Variants in ZNF793 observed in about 807,000 individuals in gnomAD.
The protein encoded by ZNF793 is zinc finger protein 793.
A neutral mutation model predicts 12.4 loss-of-function variants in ZNF793; 5 were observed. The ratio of observed to expected loss-of-function variants is 0.40; its 90% CI spans 0.21 to 0.84. The LOEUF (loss-of-function observed/expected upper bound fraction) is 0.84, where lower values mean the gene tolerates loss of function less well. Ranked by LOEUF, ZNF793 falls within the 40% of genes least tolerant of loss-of-function variation. The pLI is 0.35. For synonymous variants in ZNF793, 162 were observed against 172.4 expected (o/e 0.94, Z 0.47); for missense variants, 456 against 495.0 (o/e 0.92, Z 0.75).
intron 3 of ZNF793, 114 bp downstream of exon 3, chr19:37,520,426 C>T (rs2147075881): frequency 6.6e-6 from 1 of 152,402 alleles, no homozygotes; most frequent in East Asian, 1.9e-4. Context: ...ATCACTCAGA[C>T]CCCATACCTC....
At chr19:37,524,947 C>T (rs992335584) in intron 5 of ZNF793, among the ~76,000 whole-genome samples, 1 of 152,178 alleles carries the variant, frequency 6.6e-6, no homozygotes, top group African/African-American at 2.4e-5. Context: ...CAAGGCAGAA[C>T]TCCCAGTTTT....
intron 2 of ZNF793, among the ~76,000 whole-genome samples, chr19:37,510,923 T>C (rs976796075): frequency 6.6e-6 from 1 of 151,870 alleles, no homozygotes; most frequent in East Asian, 2.0e-4. Flanking sequence ...GGTCTCAATC[T>C]CCTGACCTCG....
At chr19:37,511,337 T>C (rs1428609005) in intron 2 of ZNF793, among the ~76,000 whole-genome samples, 1 of 152,204 alleles carries the variant, frequency 6.6e-6, no homozygotes, top group Admixed American at 6.5e-5. Flanking sequence ...ATTCATACCA[T>C]GAGGTAATTT....
chr19:37,511,695 T>C (rs2042295750), intron 2 of ZNF793, among the ~76,000 whole-genome samples: 1 of 152,144 alleles, frequency 6.6e-6, no homozygotes, highest in Non-Finnish European at 1.5e-5. Context: ...GAAATTCTAA[T>C]CTGAAGTTCT....
At chr19:37,519,345 T>C (rs892501570) in intron 2 of ZNF793, among the ~76,000 whole-genome samples, 12 of 152,300 alleles carry the variant, frequency 7.9e-5, no homozygotes, top group African/African-American at 2.6e-4. Flanking sequence ...GTAAGAGATA[T>C]GATTTCCATC....
rs976969379 is a variant in ZNF793, at chr19:37,541,310, G to A, written c.*3431G>A. 2 of 152,180 alleles carry A rather than the reference G, an allele frequency of 1.3e-5. No homozygotes were observed. Among genetic ancestry groups the A allele is most frequent in the African/African-American group, 4.8e-5 (2 of 41,444 alleles). The allele number at this position is 152,180 out of a possible 1,614,324, so 9.4% of individuals were successfully genotyped here. On this transcript the variant is annotated 3_prime_UTR_variant, in exon 8 of 8. Transcript: ENST00000627814. ...CAGAATTCTTAAAAGAAAATCAAAG[G>A]AGCCTATGTGTACAATCTAGGAGTT...
rs150288479 is a variant in ZNF793 at position 37,526,843 on chromosome 19, G to T, written c.15+3389G>T. Reference sequence around the variant, plus strand: ...TTTCCTTCGGCCACTCCTGGAGGTGGTAGGCCAGTGGCCCCAGCACTGCAA... The same window carrying T: ...TTTCCTTCGGCCACTCCTGGAGGTGTTAGGCCAGTGGCCCCAGCACTGCAA... On this transcript the variant is annotated intron_variant, in intron 5 of 7. Transcript: ENST00000627814. Among the ~76,000 whole-genome samples, 4 of 152,330 alleles carry T rather than the reference G, an allele frequency of 2.6e-5. No individual in the cohort carries two copies. The East Asian group carries it at 7.7e-4, about 29-fold the overall frequency.
rs2042540183 is a variant in ZNF793 at position 37,539,890 on chromosome 19, AT to A, written c.*2014del. The stretch of plus-strand genomic sequence containing the variant: ...TTAAAGAAAGAGTAATACCAGTGTT[AT>A]TTATTATATGGATGTAATACAATCC... On this transcript the variant is annotated 3_prime_UTR_variant, in exon 8 of 8. Coordinates refer to ENST00000627814, the MANE Select transcript of ZNF793 (RefSeq NM_001013659.3). 1 of 152,182 alleles carries A rather than the reference AT, an allele frequency of 6.6e-6. No individual in the cohort carries two copies. The highest frequency in any genetic ancestry group is 6.5e-5 in the Admixed American group (1 of 15,278). The allele number at this position is 152,182 out of a possible 1,614,324, so 9.4% of individuals were successfully genotyped here. A position where few individuals can be genotyped will look rare whatever the true frequency, so the allele number is the denominator to read the frequency against.
Position 37,533,358 on chromosome 19 carries a change from G to A in ZNF793, c.193G>A (p.Ala65Thr). The part of the protein sequence containing the change: ...DVILRLEQEE[A>T]PWIGEAACPG... ...GATCCTCAGACTGGAGCAGGAAGAA[G>A]CACCATGGATTGGTGAGGCAGCATG... Residue 65 changes from alanine to threonine, a missense_variant, in exon 7 of 8, where the codon GCA becomes ACA. Coordinates refer to ENST00000627814, the MANE Select transcript of ZNF793 (RefSeq NM_001013659.3). The A allele has an allele frequency of 1.2e-6, 2 of 1,614,010 alleles. No individual in the cohort carries two copies. Among genetic ancestry groups the A allele is most frequent in the Non-Finnish European group, 1.7e-6 (2 of 1,179,890 alleles).
chr19:37,535,852 A>G (rs943643750), intron 7 of ZNF793: 3 of 152,238 alleles, frequency 2.0e-5, no homozygotes, highest in African/African-American at 7.2e-5. Context: ...GTGCAATATA[A>G]TAGTAGATGT....
intron 2 of ZNF793, among the ~76,000 whole-genome samples, chr19:37,513,995 G>A (rs2042312213): frequency 6.6e-6 from 1 of 152,054 alleles, no homozygotes; most frequent in African/African-American, 2.4e-5. Flanking sequence ...AGGTAAAGCT[G>A]ATAAATCTGA....
chr19:37,537,118 G>C lies in ZNF793; in HGVS notation c.460G>C (p.Gly154Arg), dbSNP rs1285997714. Residue 154 changes from glycine (G) to arginine (R), a missense_variant, in exon 8 of 8, where the codon GGT becomes CGT. Gly to Arg is a moderately radical substitution (Grantham distance 125, BLOSUM62 -2). Transcript: ENST00000627814. ...KNLNHNLDLI[G>R]FKRNCAKKQD... ...TTTGAACCATAATTTAGACTTGATT[G>C]GTTTTAAGAGAAACTGTGCAAAAAA... 6.2e-7 allele frequency: 1 copy of C among 1,613,246 alleles called. No homozygotes were observed. The highest frequency in any genetic ancestry group is 2.2e-5 in the East Asian group (1 of 44,878).
intron 7 of ZNF793, chr19:37,535,906 T>C (rs557359419): frequency 6.6e-6 from 1 of 152,392 alleles, no homozygotes; most frequent in East Asian, 1.9e-4. Context: ...TCAGGTCTAA[T>C]AACTGTCATG....
At chr19:37,517,908 T>C (rs1438285383) in intron 2 of ZNF793, among the ~76,000 whole-genome samples, 2 of 152,176 alleles carry the variant, frequency 1.3e-5, no homozygotes, top group Non-Finnish European at 2.9e-5. Context: ...TATGAGGCTA[T>C]TGGAAAAGTT....
At chr19:37,515,876 ATCTTAAG>A (rs2042328109) in intron 2 of ZNF793, among the ~76,000 whole-genome samples, 1 of 152,224 alleles carries the variant, frequency 6.6e-6, no homozygotes, top group Admixed American at 6.5e-5. Context: ...GTTAAGCAAA[ATCTTAAG>A]AAGGGATCTC....
chr19:37,534,888 C>G (rs184325780), intron 7 of ZNF793: 1 of 152,122 alleles, frequency 6.6e-6, no homozygotes. Flanking sequence ...TTTGCAGTGC[C>G]GCTCAGGCTG....
intron 2 of ZNF793, among the ~76,000 whole-genome samples, chr19:37,519,463 T>C (rs1482271307): frequency 6.6e-6 from 1 of 152,140 alleles, no homozygotes; most frequent in Non-Finnish European, 1.5e-5. Flanking sequence ...TATCAACAAG[T>C]TGACTATTAA....
In ZNF793 at chr19:37,542,605, T is replaced by A; in HGVS notation, c.*4726T>A. 3.8e-6 allele frequency: 1 copy of A among 260,442 alleles called. No homozygotes were observed. The highest frequency in any genetic ancestry group is 7.9e-6 in the Non-Finnish European group (1 of 126,766). 16.1% of individuals were successfully genotyped at this position (260,442 alleles called of 1,614,324 possible). On this transcript the variant is annotated 3_prime_UTR_variant, in exon 8 of 8. Coordinates refer to ENST00000627814, the MANE Select transcript of ZNF793 (RefSeq NM_001013659.3). ...AGTAAATACCCATCAACTGGGAAATTGTAGAAAGGAAAAAACTATAGTGTA... is the reference window on the plus strand; with the variant it reads ...AGTAAATACCCATCAACTGGGAAATAGTAGAAAGGAAAAAACTATAGTGTA...
intron 5 of ZNF793, among the ~76,000 whole-genome samples, chr19:37,527,225 TG>T (rs2042422867): frequency 6.6e-6 from 1 of 152,116 alleles, no homozygotes; most frequent in Non-Finnish European, 1.5e-5. Flanking sequence ...GGCTAATTTT[TG>T]TATTTTTAGT....
Sources: allele counts gnomAD v4.1 joint callset (sites outside exome capture counted in the v4.1 genomes callset), GRCh38; gene constraint gnomAD v4.1.1; transcripts MANE v1.5; gene names NCBI Gene and HGNC (gene_info 2026-07-23, HGNC 2026-07-21).